Variants in RCOR3 observed in about 807,000 individuals in gnomAD.
The protein encoded by RCOR3 is REST corepressor 3.
RCOR3 carries 13 observed loss-of-function variants against 64.1 expected under a neutral mutation model. The observed-to-expected ratio is 0.20, with a 90% CI of 0.13 to 0.32. RCOR3 has a LOEUF of 0.32. Among genes scored for constraint, RCOR3 ranks in the 10% least tolerant of loss-of-function variants. RCOR3 has a pLI of 1.00. For synonymous variants in RCOR3, 215 were observed against 239.0 expected (o/e 0.90, Z 0.93); for missense variants, 489 against 701.2 (o/e 0.70, Z 3.42).
At chr1:211,307,322 C>A (rs970719925) in intron 10 of RCOR3, among the ~76,000 whole-genome samples, 1 of 151,922 alleles carries the variant, frequency 6.6e-6, no homozygotes, top group African/African-American at 2.4e-5. Context: ...ACCCCATCTT[C>A]ACTGAAAATA....
chr1:211,292,240 C>G (rs1215621682), intron 8 of RCOR3, among the ~76,000 whole-genome samples: 1 of 152,192 alleles, frequency 6.6e-6, no homozygotes, highest in African/African-American at 2.4e-5. Context: ...GTTTATAGTA[C>G]ATATTTAGAA....
chr1:211,288,450 ATTTAT>A (rs914825342), intron 7 of RCOR3, among the ~76,000 whole-genome samples: 23 of 146,800 alleles, frequency 1.6e-4, no homozygotes, highest in Admixed American at 1.4e-3. Flanking sequence ...TTTTTATTAT[ATTTAT>A]TTTATTACAT....
At chr1:211,276,457 T>G (rs753883535) in intron 5 of RCOR3, 39 bp downstream of exon 5, 3 of 1,551,302 alleles carry the variant, frequency 1.9e-6, no homozygotes, top group South Asian at 2.4e-5. Context: ...CATATGTGAA[T>G]GATATCTTAA....
At chr1:211,291,569 T>C (rs1383041141) in intron 8 of RCOR3, 3 of 456,132 alleles carry the variant, frequency 6.6e-6, no homozygotes, top group Non-Finnish European at 1.3e-5. Flanking sequence ...CCTGCGGATA[T>C]GGGAGGACTA....
At chr1:211,278,059 A>G in intron 5 of RCOR3, 58 bp from the exon 6 acceptor site, 1 of 1,440,164 alleles carries the variant, frequency 6.9e-7, no homozygotes, top group Non-Finnish European at 9.5e-7. Context: ...GATATCATCA[A>G]AATTATTCAT....
chr1:211,295,273 G>A (rs1699750023), intron 8 of RCOR3, among the ~76,000 whole-genome samples: 1 of 151,942 alleles, frequency 6.6e-6, no homozygotes, highest in African/African-American at 2.4e-5. Context: ...GACTGAGAAT[G>A]ATGTTTTATA....
Position 211,276,335 on chromosome 1 carries a change from G to A in RCOR3, c.433G>A (p.Asp145Asn). The A allele has an allele frequency of 6.2e-7, 1 of 1,613,974 alleles. No homozygotes were observed. Among genetic ancestry groups the A allele is most frequent in the South Asian group, 1.1e-5 (1 of 91,074 alleles). Residue 145 changes from aspartate to asparagine, a missense_variant, in exon 5 of 12, where the codon GAT (aspartate) becomes AAT (asparagine). Around this residue, in one of 2 missense-constraint regions of RCOR3, gnomAD observed 402 missense variants for 617.0 expected, o/e 0.65. Transcript: ENST00000419091. ...TCTCCCTAATTTCACTCCCTTTCCGGATGAGTGGACAGTGGAAGATAAAGT... is the reference window on the plus strand; with the variant it reads ...TCTCCCTAATTTCACTCCCTTTCCGAATGAGTGGACAGTGGAAGATAAAGT... Reference protein sequence around the residue: ...ADLPNFTPFPDEWTVEDKVLF... With the variant: ...ADLPNFTPFPNEWTVEDKVLF...
chr1:211,266,170 G>A (rs1389006217), intron 2 of RCOR3, among the ~76,000 whole-genome samples: 1 of 152,122 alleles, frequency 6.6e-6, no homozygotes. Flanking sequence ...CAAGTTTGAA[G>A]TTAGTACATA....
Position 211,279,177 on chromosome 1 carries a change from A to G in RCOR3, c.642-61A>G. The stretch of plus-strand genomic sequence containing the variant: ...ACTCCAGCCTGGGCAATAAGAGTGA[A>G]ACGCTGTCTTAAAAAAAAAAAAAAA... On this transcript the variant is annotated intron_variant, in intron 6 of 11. Transcript: ENST00000419091. The G allele has an allele frequency of 4.3e-6, 5 of 1,150,004 alleles. 1 individual carries two copies. Among genetic ancestry groups the G allele is most frequent in the South Asian group, 2.8e-5 (2 of 72,300 alleles). 71.2% of individuals were successfully genotyped at this position (1,150,004 alleles called of 1,614,324 possible).
chr1:211,274,313 T>C (rs1696651361), intron 4 of RCOR3, 51 bp downstream of exon 4: 1 of 1,238,948 alleles, frequency 8.1e-7, no homozygotes, highest in Admixed American at 1.8e-5. Context: ...ATTTACCAAA[T>C]CTAGATTATC....
At chr1:211,267,924 A>T (rs79974197) in intron 2 of RCOR3, 123 of 349,040 alleles carry the variant, frequency 3.5e-4, no homozygotes, top group African/African-American at 2.6e-3. Context: ...GGAAAAATTT[A>T]AAAAAAGTTT....
At chr1:211,302,032 TG>T in intron 9 of RCOR3, 1 of 152,346 alleles carries the variant, frequency 6.6e-6, no homozygotes, top group Middle Eastern at 3.4e-3. Context: ...GCAAGTTGTG[TG>T]TACAGAAGAT....
intron 5 of RCOR3, 141 bp downstream of exon 5, chr1:211,276,559 A>G (rs1026291780): frequency 1.4e-6 from 1 of 716,680 alleles, no homozygotes; most frequent in Non-Finnish European, 2.1e-6. Flanking sequence ...TTTATATACA[A>G]TCCTGTTTTC....
intron 3 of RCOR3, among the ~76,000 whole-genome samples, chr1:211,272,259 G>A (rs1696306268): frequency 6.6e-6 from 1 of 152,200 alleles, no homozygotes; most frequent in Admixed American, 6.5e-5. Context: ...TCTGGCCTGA[G>A]ACTGTTTAAT....
At chr1:211,270,968 C>T (rs1362832460) in intron 2 of RCOR3, among the ~76,000 whole-genome samples, 2 of 152,032 alleles carry the variant, frequency 1.3e-5, no homozygotes, top group African/African-American at 4.8e-5. Flanking sequence ...CATTCTCTTG[C>T]CTCAGCCTCC....
At chr1:211,273,562 A>G (rs1443773277) in intron 3 of RCOR3, among the ~76,000 whole-genome samples, 2 of 152,248 alleles carry the variant, frequency 1.3e-5, no homozygotes, top group Non-Finnish European at 2.9e-5. Context: ...CTTCTCAGCA[A>G]TGAGGCCTTG....
chr1:211,307,862 T>G (rs547612986), intron 10 of RCOR3, among the ~76,000 whole-genome samples: 7 of 151,970 alleles, frequency 4.6e-5, no homozygotes, highest in African/African-American at 1.7e-4. Context: ...TTTTTTATAA[T>G]TACTACCTTT....
At chr1:211,270,065 A>C (rs1437573709) in intron 2 of RCOR3, among the ~76,000 whole-genome samples, 1 of 70,060 alleles carries the variant, frequency 1.4e-5, no homozygotes, top group Non-Finnish European at 2.7e-5. Context: ...TTTTATCTTG[A>C]CTTTTTTTTT....
intron 2 of RCOR3, among the ~76,000 whole-genome samples, chr1:211,268,578 T>A (rs1195176013): frequency 6.6e-6 from 1 of 151,966 alleles, no homozygotes; most frequent in Non-Finnish European, 1.5e-5. Context: ...GGTTTCTCCA[T>A]GTTGGTCATG....
Sources: gnomAD v4.1 joint callset for allele counts (sites outside exome capture counted in the v4.1 genomes callset) on GRCh38, gnomAD v4.1.1 for gene constraint, gnomAD v4.1.1 regional missense constraint, MANE v1.5 for transcripts, NCBI Gene and HGNC (gene_info 2026-07-23, HGNC 2026-07-21) for gene names.